The following TBC1D19 variants were observed in gnomAD, a reference collection of about 807,000 sequenced individuals.
The protein encoded by TBC1D19 is TBC1 domain family, member 19.
TBC1D19 carries 60 observed loss-of-function variants against 89.0 expected under a neutral mutation model. That is an observed-to-expected ratio of 0.67 (90% confidence interval 0.55 to 0.84). The LOEUF is 0.84. Among genes scored for constraint, TBC1D19 ranks in the 40% least tolerant of loss-of-function variants. TBC1D19 has a pLI of 0.00. For missense variants in TBC1D19, 500 were observed against 610.8 expected (o/e 0.82, Z 1.91); for synonymous variants, 189 against 199.7 (o/e 0.95, Z 0.45).
chr4:26,583,965 G>A (rs1739245650), upstream of TBC1D19: 12 of 555,238 alleles, frequency 2.2e-5, no homozygotes, highest in South Asian at 1.9e-4. Flanking sequence ...CGTCCTCCCC[G>A]CCCCGGTCTT....
intron 16 of TBC1D19, 35 bp from the exon 17 acceptor site, chr4:26,739,829 T>G: frequency 3.3e-6 from 4 of 1,197,960 alleles, no homozygotes; most frequent in South Asian, 1.5e-5. Context: ...ATTTCAGTAG[T>G]TCTGCAGTAT....
the TBC1D19 span, among the ~76,000 whole-genome samples, chr4:26,855,024 G>A: frequency 2.6e-5 from 4 of 152,176 alleles, no homozygotes; most frequent in Non-Finnish European, 5.9e-5. Context: ...AAACAGAGTG[G>A]TCTCCACTAT....
intron 18 of TBC1D19, among the ~76,000 whole-genome samples, chr4:26,744,079 A>G (rs1319384526): frequency 6.6e-6 from 1 of 151,670 alleles, no homozygotes; most frequent in East Asian, 1.9e-4. Context: ...TAATAGATAT[A>G]GGACTACTTG....
At chr4:26,639,400 A>T (rs1743343928) in intron 6 of TBC1D19, among the ~76,000 whole-genome samples, 1 of 151,868 alleles carries the variant, frequency 6.6e-6, no homozygotes, top group Non-Finnish European at 1.5e-5. Context: ...AAACATTTTT[A>T]TAAAATTATA....
chr4:26,789,340 C>T, the TBC1D19 span, among the ~76,000 whole-genome samples: 1 of 152,154 alleles, frequency 6.6e-6, no homozygotes, highest in Non-Finnish European at 1.5e-5. Flanking sequence ...AGAATGTGGG[C>T]AGAGGATGAT....
At chr4:26,759,570 A>G (rs192958146), downstream of TBC1D19, among the ~76,000 whole-genome samples, 3 of 152,306 alleles carry the variant, frequency 2.0e-5, no homozygotes, top group African/African-American at 7.2e-5. Context: ...ACATCAAGAT[A>G]TAGAACATTT....
intron 1 of TBC1D19, among the ~76,000 whole-genome samples, chr4:26,599,697 G>C (rs1740464588): frequency 6.6e-6 from 1 of 152,108 alleles, no homozygotes. Context: ...TGTAATCCTA[G>C]CACTTTGGGA....
In TBC1D19 at chr4:26,753,882, G is replaced by T. The variant is rs772832592; in HGVS notation, c.1498G>T (p.Ala500Ser). 2 of 1,613,792 alleles carry T rather than the reference G, an allele frequency of 1.2e-6. No homozygotes were observed. The change falls in exon 20 of 21, where the codon GCA becomes TCA. Residue 500 changes from alanine (A) to serine (S), a missense_variant. This residue lies in a region of TBC1D19 where 220 missense variants were observed against 319.1 expected (regional missense o/e 0.69). Transcript: ENST00000264866. ...VNLMEVTSLA[A>S]AEAVLADLST... ...CCTGATGGAGGTGACATCACTGGCT[G>T]CAGCTGAAGTAAGGATAAGTTTCAC...
At chr4:26,842,636 C>CT in the TBC1D19 span, among the ~76,000 whole-genome samples, 99 of 123,276 alleles carry the variant, frequency 8.0e-4, no homozygotes, top group Non-Finnish European at 1.1e-3. Context: ...TTCTTTCTTT[C>CT]TTTCTTTCTT....
chr4:26,813,120 T>C, the TBC1D19 span, among the ~76,000 whole-genome samples: 1 of 151,900 alleles, frequency 6.6e-6, no homozygotes, highest in African/African-American at 2.4e-5. Flanking sequence ...CTTGGGAGGC[T>C]GAGGTGGGAG....
the TBC1D19 span, among the ~76,000 whole-genome samples, chr4:26,846,885 C>A: frequency 6.6e-6 from 1 of 152,096 alleles, no homozygotes; most frequent in East Asian, 1.9e-4. Context: ...CCTGGTTCTC[C>A]TTCTACACTC....
At chr4:26,650,732 T>A (rs1672718282) in intron 7 of TBC1D19, among the ~76,000 whole-genome samples, 1 of 152,232 alleles carries the variant, frequency 6.6e-6, no homozygotes, top group African/African-American at 2.4e-5. Flanking sequence ...ATCCCATTTG[T>A]CAATTTTGGC....
chr4:26,583,924 A>G (rs1332243509), upstream of TBC1D19: 2 of 471,406 alleles, frequency 4.2e-6, no homozygotes, highest in South Asian at 2.3e-5. Context: ...CCTTTCAACC[A>G]TAGACAAGGC....
chr4:26,846,645 A>T, the TBC1D19 span, among the ~76,000 whole-genome samples: 1 of 152,272 alleles, frequency 6.6e-6, no homozygotes, highest in Non-Finnish European at 1.5e-5. Context: ...AGCTTAGAAA[A>T]TTATTTCCCA....
At chr4:26,823,639 C>T in the TBC1D19 span, among the ~76,000 whole-genome samples, 1 of 152,128 alleles carries the variant, frequency 6.6e-6, no homozygotes, top group South Asian at 2.1e-4. Flanking sequence ...AGAGCCATAT[C>T]CTGGGTGGCT....
chr4:26,851,841 C>G, the TBC1D19 span, among the ~76,000 whole-genome samples: 1 of 152,202 alleles, frequency 6.6e-6, no homozygotes, highest in South Asian at 2.1e-4. Context: ...CTCAGCCTCC[C>G]AATAGCTGGG....
At chr4:26,847,731 C>G in the TBC1D19 span, among the ~76,000 whole-genome samples, 1 of 152,182 alleles carries the variant, frequency 6.6e-6, no homozygotes, top group Non-Finnish European at 1.5e-5. Context: ...ACAGGGAAAG[C>G]ATTTAAGAGA....
the TBC1D19 span, among the ~76,000 whole-genome samples, chr4:26,838,542 T>TAA: frequency 1.3e-5 from 2 of 152,292 alleles, no homozygotes; most frequent in African/African-American, 4.8e-5. Flanking sequence ...CTAGAAGTCA[T>TAA]AAAATCACAC....
the TBC1D19 span, among the ~76,000 whole-genome samples, chr4:26,786,607 G>T: frequency 6.6e-5 from 10 of 152,158 alleles, no homozygotes; most frequent in African/African-American, 2.4e-4. Flanking sequence ...TGCAAACACA[G>T]TGTCACAGGA....
Sources: gnomAD v4.1 joint callset for allele counts (sites outside exome capture counted in the v4.1 genomes callset) on GRCh38, gnomAD v4.1.1 for gene constraint, gnomAD v4.1.1 regional missense constraint, MANE v1.5 for transcripts, NCBI Gene and HGNC (gene_info 2026-07-23, HGNC 2026-07-21) for gene names.